Variants in ANK1 observed in about 807,000 individuals in gnomAD.
The protein encoded by ANK1 is ankyrin 1.
A neutral mutation model predicts 210.4 loss-of-function variants in ANK1; 51 were observed. The ratio of observed to expected loss-of-function variants is 0.24; its 90% CI spans 0.19 to 0.31. The LOEUF is 0.31. ANK1 is among the 10% of genes least tolerant of loss of function. The pLI is 1.00. For missense variants in ANK1, 2,051 were observed against 2,504.4 expected (o/e 0.82, Z 3.86); for synonymous variants, 967 against 1,025.9 (o/e 0.94, Z 1.10).
intron 7 of ANK1, 51 bp from the exon 8 acceptor site, chr8:41,723,684 C>T (rs776928661): frequency 6.4e-7 from 1 of 1,554,178 alleles, no homozygotes. Flanking sequence ...CCCTGGAATG[C>T]AGCTGCTGTG....
At position 41,822,094 on chromosome 8, in the gene ANK1, GAGAGAGAGAGAGAGAGAGAGAAAGAA is replaced by G. The variant is rs1293883583; in HGVS notation, c.127-63983_127-63958del. Reference sequence around the variant, plus strand: ...AGAGAGAGAGAGAGAGAGAGAGAGAGAGAGAGAGAGAGAGAGAGAGAAAGAAAGAGAAAGAAAGAGAAAGAAAGAAA... The same window carrying G: ...AGAGAGAGAGAGAGAGAGAGAGAGAGAGAGAAAGAAAGAGAAAGAAAGAAA... On this transcript the variant is annotated intron_variant, in intron 1 of 42. Transcript: ENST00000265709. Among the ~76,000 whole-genome samples the G allele has an allele frequency of 3.8e-3, 171 of 44,644 alleles. 2 individuals are homozygous for G. The highest frequency in any genetic ancestry group is 0.014 in the African/African-American group (147 of 10,558). The allele number at this position is 44,644 out of a possible 152,430, so 29.3% of individuals were successfully genotyped here.
At chr8:41,877,456 C>T (rs991397462) in intron 1 of ANK1, among the ~76,000 whole-genome samples, 3 of 152,356 alleles carry the variant, frequency 2.0e-5, no homozygotes, top group South Asian at 2.1e-4. Context: ...AAGTGACACT[C>T]ACAGTGCCCC....
In ANK1 at chr8:41,699,496, A is replaced by G; in HGVS notation, c.2514T>C (p.Asp838=). 6.2e-7 allele frequency: 1 copy of G among 1,614,088 alleles called. No individual in the cohort carries two copies. Among genetic ancestry groups the G allele is most frequent in the Non-Finnish European group, 8.5e-7 (1 of 1,180,018 alleles). Residue 838 remains aspartate (D), a synonymous_variant, in exon 23 of 43, where the codon GAT becomes GAC. Coordinates refer to ENST00000289734, the MANE Select transcript of ANK1 (RefSeq NM_000037.4). ...KAERRDSRDV[D]EEKELLDFVP... is the part of the protein sequence containing the mutation. Reference sequence around the variant, plus strand: ...CAAAATCCAGCAGCTCCTTCTCTTCATCAACATCCCTGGAATCCCGCCTCT... The same window carrying G: ...CAAAATCCAGCAGCTCCTTCTCTTCGTCAACATCCCTGGAATCCCGCCTCT...
intron 1 of ANK1, among the ~76,000 whole-genome samples, chr8:41,844,598 G>C (rs576588369): frequency 3.2e-4 from 48 of 152,300 alleles, no homozygotes; most frequent in African/African-American, 1.1e-3. Context: ...CCTGCCACCT[G>C]TCTCTAACAC....
In ANK1 at chr8:41,694,832, C is replaced by A; in HGVS notation, c.3116-29G>T. ...GAATCACACACACAGGCCACCACCCCGGTCACATCAGGCACAGGTTCAGGA... is the reference window on the plus strand; with the variant it reads ...GAATCACACACACAGGCCACCACCCAGGTCACATCAGGCACAGGTTCAGGA... On this transcript the variant is annotated intron_variant, in intron 27 of 42. Transcript: ENST00000289734. This position sits in a 1 kb window ranked among gnomAD's most constrained non-coding sequence, Gnocchi z 5.7. The A allele has an allele frequency of 1.2e-6, 2 of 1,609,444 alleles. No homozygotes were observed. The highest frequency in any genetic ancestry group is 1.1e-5 in the South Asian group (1 of 90,708).
At chr8:41,880,261 G>A (rs979574170) in intron 1 of ANK1, among the ~76,000 whole-genome samples, 7 of 152,186 alleles carry the variant, frequency 4.6e-5, no homozygotes, top group Admixed American at 3.9e-4. Context: ...CTCCGCCGGC[G>A]GAGCTGAGTA....
chr8:41,765,804 C>T (rs1010199810), intron 1 of ANK1, among the ~76,000 whole-genome samples: 25 of 152,034 alleles, frequency 1.6e-4, no homozygotes, highest in Admixed American at 6.5e-5. Flanking sequence ...AGATGGGGTG[C>T]GAGGGGGCTC....
Position 41,698,226 on chromosome 8 carries a change from C to T in ANK1, c.2559-105G>A, listed in dbSNP as rs1563471665. On this transcript the variant is annotated intron_variant, in intron 23 of 42. Transcript: ENST00000289734. ...CTCCCTCCGGCTTTCCACTCCAGAGCCTGACTGCGCTTCACAACCTGGTGG... is the reference window on the plus strand; with the variant it reads ...CTCCCTCCGGCTTTCCACTCCAGAGTCTGACTGCGCTTCACAACCTGGTGG... 9 of 1,114,590 alleles carry T rather than the reference C, an allele frequency of 8.1e-6. No homozygotes were observed. The South Asian group carries it at 1.2e-4, about 14-fold the overall frequency. 69.0% of individuals were successfully genotyped at this position (1,114,590 alleles called of 1,614,324 possible). A position where few individuals can be genotyped will look rare whatever the true frequency, so the allele number is the denominator to read the frequency against.
At chr8:41,772,581 G>A (rs1843152565) in intron 1 of ANK1, among the ~76,000 whole-genome samples, 1 of 152,232 alleles carries the variant, frequency 6.6e-6, no homozygotes, top group African/African-American at 2.4e-5. Context: ...GTCAAGATCA[G>A]GATCCCAAGA....
chr8:41,895,906 C>CCCCG (rs1554674066), intron 1 of ANK1, among the ~76,000 whole-genome samples: 7 of 152,068 alleles, frequency 4.6e-5, no homozygotes, highest in African/African-American at 1.7e-4. Flanking sequence ...GAGCTGCCCC[C>CCCCG]CCCCGGCCCG....
rs767517798 is a variant in ANK1, at chr8:41,684,604, A to G, written c.4477T>C (p.Leu1493=). The change falls in exon 37 of 43, where the codon TTG becomes CTG. Residue 1493 remains leucine (L), a synonymous_variant. Coordinates refer to ENST00000289734, the MANE Select transcript of ANK1 (RefSeq NM_000037.4). ...LEGSGRQSRN[L]KPDRRHTDRD... ...TCGGTGTGCCGCCTGTCTGGCTTCAAGTTGCGGCTCTGTCGGCCGGAACCC... is the reference window on the plus strand; with the variant it reads ...TCGGTGTGCCGCCTGTCTGGCTTCAGGTTGCGGCTCTGTCGGCCGGAACCC... 3 of 1,613,908 alleles carry G rather than the reference A, an allele frequency of 1.9e-6. No homozygotes were observed. The highest frequency in any genetic ancestry group is 2.5e-6 in the Non-Finnish European group (3 of 1,180,030).
chr8:41,849,399 C>T (rs1175424315), intron 1 of ANK1, among the ~76,000 whole-genome samples: 1 of 152,124 alleles, frequency 6.6e-6, no homozygotes, highest in Non-Finnish European at 1.5e-5. Flanking sequence ...TGGCAAGTGC[C>T]TATAATCCCA....
At chr8:41,787,898 C>T (rs557606189) in intron 1 of ANK1, among the ~76,000 whole-genome samples, 1 of 151,926 alleles carries the variant, frequency 6.6e-6, no homozygotes, top group Non-Finnish European at 1.5e-5. Context: ...GGAAAAACAC[C>T]AGTGACCTAG....
intron 1 of ANK1, among the ~76,000 whole-genome samples, chr8:41,842,744 A>G (rs1055505849): frequency 2.6e-5 from 4 of 152,160 alleles, no homozygotes; most frequent in African/African-American, 9.6e-5. Context: ...GGGGCTGGGC[A>G]TTGGAAGGCG....
At chr8:41,822,148 AAGAAAG>A (rs1804538257) in intron 1 of ANK1, among the ~76,000 whole-genome samples, 1 of 51,118 alleles carries the variant, frequency 2.0e-5, no homozygotes, top group African/African-American at 5.7e-5. Flanking sequence ...GAAAGAAAGA[AAGAAAG>A]AAAGAAAGAA....
At chr8:41,850,993 T>G (rs1418247420) in intron 1 of ANK1, among the ~76,000 whole-genome samples, 2 of 152,242 alleles carry the variant, frequency 1.3e-5, no homozygotes, top group Non-Finnish European at 2.9e-5. Flanking sequence ...AAGAGAAGAC[T>G]GGTTGAGATT....
At chr8:41,689,296 A>T (rs1229343976) in intron 33 of ANK1, among the ~76,000 whole-genome samples, 9 of 144,390 alleles carry the variant, frequency 6.2e-5, no homozygotes, top group Non-Finnish European at 1.2e-4. Flanking sequence ...CTAATTTTTC[A>T]TTTTTTTTTT....
At chr8:41,786,785 T>G (rs896959465) in intron 1 of ANK1, among the ~76,000 whole-genome samples, 1 of 152,184 alleles carries the variant, frequency 6.6e-6, no homozygotes, top group African/African-American at 2.4e-5. Flanking sequence ...CGATGGAGCC[T>G]GGAAATTCAA....
At chr8:41,841,338 C>T (rs1808854454) in intron 1 of ANK1, among the ~76,000 whole-genome samples, 1 of 152,108 alleles carries the variant, frequency 6.6e-6, no homozygotes, top group Middle Eastern at 3.2e-3. Context: ...AATAGTCAAA[C>T]CCATAAAAGC....
Sources: allele counts gnomAD v4.1 joint callset (sites outside exome capture counted in the v4.1 genomes callset), GRCh38; gene constraint gnomAD v4.1.1; non-coding constraint Gnocchi (gnomAD v3.1); transcripts MANE v1.5; gene names NCBI Gene and HGNC (gene_info 2026-07-23, HGNC 2026-07-21).